Variants in PDE4B observed in about 807,000 individuals in gnomAD.
The protein encoded by PDE4B is 3',5'-cyclic-AMP phosphodiesterase 4B.
PDE4B carries 20 observed loss-of-function variants against 82.2 expected under a neutral mutation model. That is an observed-to-expected ratio of 0.24 (90% CI 0.17 to 0.35). The LOEUF (loss-of-function observed/expected upper bound fraction) is 0.35, where lower values mean the gene tolerates loss of function less well. Ranked by LOEUF, PDE4B falls within the 10% of genes least tolerant of loss-of-function variation. The pLI is 1.00. For missense variants in PDE4B, 655 were observed against 907.2 expected (o/e 0.72, Z 3.57); for synonymous variants, 320 against 318.9 (o/e 1.00, Z -0.04).
rs750346541 is a variant in PDE4B, at chr1:66,363,179, C to A, written c.1032C>A (p.Asp344Glu). Residue 344 changes from aspartate to glutamate, a missense_variant, in exon 11 of 17, where the codon GAC becomes GAA. Coordinates refer to ENST00000341517, the MANE Select transcript of PDE4B (RefSeq NM_002600.4). The stretch of plus-strand genomic sequence containing the variant: ...ATTTTTAATTATAGGAGCTGGAAGA[C>A]CTGAACAAATGGGGTCTTAACATCT... The part of the protein sequence containing the change: ...NEDHLAKELE[D>E]LNKWGLNIFN... 1 of 1,608,868 alleles carries A rather than the reference C, an allele frequency of 6.2e-7. No individual in the cohort carries two copies. The highest frequency in any genetic ancestry group is 8.5e-7 in the Non-Finnish European group (1 of 1,175,920).
intron 3 of PDE4B, among the ~76,000 whole-genome samples, chr1:66,103,863 C>T (rs1645278593): frequency 6.6e-6 from 1 of 152,038 alleles, no homozygotes; most frequent in Non-Finnish European, 1.5e-5. Flanking sequence ...TCATTGCCCA[C>T]TGTATTGCAC....
intron 7 of PDE4B, among the ~76,000 whole-genome samples, chr1:66,307,453 C>A (rs1380523743): frequency 6.6e-6 from 1 of 152,084 alleles, no homozygotes; most frequent in Non-Finnish European, 1.5e-5. Context: ...GATAGAGAAG[C>A]CTCCACAGCA....
intron 3 of PDE4B, among the ~76,000 whole-genome samples, chr1:65,937,074 C>G (rs1204594861): frequency 6.6e-6 from 1 of 152,162 alleles, no homozygotes; most frequent in Non-Finnish European, 1.5e-5. Context: ...AGAAACAGTT[C>G]TGGCTTCTCC....
chr1:65,862,969 C>G (rs532278794), intron 1 of PDE4B, among the ~76,000 whole-genome samples: 6 of 152,146 alleles, frequency 3.9e-5, no homozygotes, highest in Admixed American at 6.5e-5. Flanking sequence ...AGTGGTCTAT[C>G]TATTTTGTTA....
At chr1:66,340,114 A>C (rs2101947974) in intron 8 of PDE4B, among the ~76,000 whole-genome samples, 1 of 152,320 alleles carries the variant, frequency 6.6e-6, no homozygotes, top group East Asian at 1.9e-4. Flanking sequence ...GCCAGTTGTC[A>C]ATATGCTTTC....
chr1:65,794,245 G>A (rs1159098144), intron 1 of PDE4B, among the ~76,000 whole-genome samples: 1 of 152,056 alleles, frequency 6.6e-6, no homozygotes, highest in African/African-American at 2.4e-5. Flanking sequence ...CACATGCATC[G>A]TTTAATTTCA....
intron 1 of PDE4B, among the ~76,000 whole-genome samples, chr1:65,884,459 A>G (rs1357833094): frequency 2.6e-5 from 4 of 152,302 alleles, no homozygotes; most frequent in East Asian, 3.9e-4. Context: ...ACTTCAAACT[A>G]TACTACAAGG....
chr1:66,194,515 A>G (rs1401508945), intron 3 of PDE4B, among the ~76,000 whole-genome samples: 1 of 152,174 alleles, frequency 6.6e-6, no homozygotes, highest in African/African-American at 2.4e-5. Context: ...TGGACTAAAA[A>G]TGAATAAATT....
chr1:66,259,863 G>A (rs980543046), intron 6 of PDE4B, among the ~76,000 whole-genome samples: 1 of 151,980 alleles, frequency 6.6e-6, no homozygotes, highest in African/African-American at 2.4e-5. Flanking sequence ...TTTCTTTGTA[G>A]AATATGGCCT....
At position 66,021,144 on chromosome 1, in the gene PDE4B, C is replaced by T. The variant is rs186045904; in HGVS notation, c.281+102309C>T. On this transcript the variant is annotated intron_variant, in intron 3 of 16. Coordinates refer to ENST00000341517, the MANE Select transcript of PDE4B (RefSeq NM_002600.4). ...GAGAATTGTCTGTTTATATCCTTTG[C>T]CCACTTTTTGATGGGGTTGTTTGAT... Among the ~76,000 whole-genome samples the T allele has an allele frequency of 3.1e-3, 466 of 152,280 alleles. 2 individuals are homozygous for T. Among genetic ancestry groups the T allele is most frequent in the African/African-American group, 0.01 (418 of 41,550 alleles).
At chr1:66,261,845 A>T (rs1242450818) in intron 6 of PDE4B, among the ~76,000 whole-genome samples, 1 of 152,224 alleles carries the variant, frequency 6.6e-6, no homozygotes, top group Non-Finnish European at 1.5e-5. Context: ...TTTCATTTAG[A>T]GTTGTTAATT....
At chr1:66,039,803 A>G (rs1164737427) in intron 3 of PDE4B, among the ~76,000 whole-genome samples, 2 of 152,084 alleles carry the variant, frequency 1.3e-5, no homozygotes, top group African/African-American at 2.4e-5. Context: ...GTATTTAATA[A>G]TTGGTAGACA....
In PDE4B at chr1:66,062,948, T is replaced by C. The variant is rs918645585; in HGVS notation, c.281+144113T>C. On this transcript the variant is annotated intron_variant, in intron 3 of 16. Transcript: ENST00000341517. ...ATCCTCATGTTCCAGAAGAGTCCTTTTTCTGAGTGGTAAATCAAGCATGTT... is the reference window on the plus strand; with the variant it reads ...ATCCTCATGTTCCAGAAGAGTCCTTCTTCTGAGTGGTAAATCAAGCATGTT... 7 of 152,174 alleles carry C rather than the reference T, an allele frequency of 4.6e-5. No homozygotes were observed. In the South Asian group the frequency reaches 8.3e-4, roughly 18 times the overall value. The allele number at this position is 152,174 out of a possible 1,614,324, so 9.4% of individuals were successfully genotyped here. A position where few individuals can be genotyped will look rare whatever the true frequency, so the allele number is the denominator to read the frequency against.
intron 3 of PDE4B, among the ~76,000 whole-genome samples, chr1:65,932,969 A>G (rs1647920750): frequency 6.6e-6 from 1 of 152,100 alleles, no homozygotes. Context: ...CATCAAGTGG[A>G]CCAATGTGCA....
At chr1:65,904,732 G>A (rs952494921) in intron 1 of PDE4B, among the ~76,000 whole-genome samples, 2 of 152,100 alleles carry the variant, frequency 1.3e-5, no homozygotes, top group South Asian at 2.1e-4. Context: ...TAGTGCCTGG[G>A]TGTGAATCCT....
intron 3 of PDE4B, among the ~76,000 whole-genome samples, chr1:66,158,843 A>G (rs1646553344): frequency 6.6e-6 from 1 of 152,180 alleles, no homozygotes; most frequent in Non-Finnish European, 1.5e-5. Context: ...CTAGGCACAG[A>G]AAGACAAATA....
chr1:65,950,907 A>C (rs1041093445), intron 3 of PDE4B, among the ~76,000 whole-genome samples: 5 of 152,110 alleles, frequency 3.3e-5, no homozygotes, highest in Non-Finnish European at 7.4e-5. Flanking sequence ...ATCAGCATGA[A>C]GTTTTTCTGT....
intron 3 of PDE4B, among the ~76,000 whole-genome samples, chr1:66,014,713 A>G (rs1047891064): frequency 6.6e-6 from 1 of 152,180 alleles, no homozygotes; most frequent in East Asian, 1.9e-4. Context: ...CCTGGCGAGA[A>G]CATTTAGCAG....
intron 3 of PDE4B, among the ~76,000 whole-genome samples, chr1:66,184,510 T>C (rs1427316543): frequency 6.6e-6 from 1 of 152,214 alleles, no homozygotes; most frequent in Non-Finnish European, 1.5e-5. Flanking sequence ...CAGCACTTAG[T>C]AACAGGTAGT....
Sources: gnomAD v4.1 joint callset for allele counts (sites outside exome capture counted in the v4.1 genomes callset) on GRCh38, gnomAD v4.1.1 for gene constraint, MANE v1.5 for transcripts, NCBI Gene and HGNC (gene_info 2026-07-23, HGNC 2026-07-21) for gene names.